Variants in FAM120A observed in about 807,000 individuals in gnomAD.
FAM120A encodes the protein constitutive coactivator of PPAR-gamma-like protein 1.
Under a neutral mutation model 109.7 loss-of-function variants are expected in FAM120A, and 15 were observed. The observed-to-expected ratio is 0.14, with a 90% CI of 0.09 to 0.21. The LOEUF (loss-of-function observed/expected upper bound fraction) is 0.21, where lower values mean the gene tolerates loss of function less well. FAM120A is among the 10% of genes least tolerant of loss of function. The pLI, the probability that FAM120A is intolerant of heterozygous loss-of-function variation, is 1.00. For synonymous variants in FAM120A, 493 were observed against 572.8 expected, an observed-to-expected ratio of 0.86 and a Z score of 1.99; for missense variants, 899 against 1,439.3, an observed-to-expected ratio of 0.62 and a Z score of 6.07.
In FAM120A at chr9:93,558,783, C is replaced by T. The variant is rs1862379851; in HGVS notation, c.2806+65C>T. 9.5e-6 allele frequency: 15 copies of T among 1,571,076 alleles called. 1 individual carries two copies. Among genetic ancestry groups the T allele is most frequent in the South Asian group, 3.5e-5 (3 of 86,942 alleles). On this transcript the variant is annotated intron_variant, in intron 15 of 17. Coordinates refer to ENST00000277165, the MANE Select transcript of FAM120A (RefSeq NM_014612.5). ...GCACTTCCTTCGCTCCATCGTCTGG[C>T]GCCTTCCTTCCTCTACTGTCCTCAT... is the stretch of plus-strand genomic sequence containing the variant.
intron 3 of FAM120A, 123 bp downstream of exon 3, chr9:93,476,461 A>G: frequency 1.5e-6 from 1 of 661,348 alleles, no homozygotes. Context: ...ATGTTTTCCC[A>G]TAATTTCAGG....
At chr9:93,479,349 C>T (rs917933380) in intron 3 of FAM120A, among the ~76,000 whole-genome samples, 28 of 151,932 alleles carry the variant, frequency 1.8e-4, no homozygotes, top group African/African-American at 6.0e-4. Context: ...CCGCCCGCCT[C>T]GGCCTCCCAA....
intron 5 of FAM120A, among the ~76,000 whole-genome samples, chr9:93,505,051 GTTTTTT>G (rs768552939): frequency 2.5e-5 from 2 of 81,320 alleles, no homozygotes; most frequent in Admixed American, 1.4e-4. Flanking sequence ...GTTCGCTTGT[GTTTTTT>G]TTTTTTTTTT....
intron 3 of FAM120A, 58 bp from the exon 4 acceptor site, chr9:93,497,413 A>T: frequency 1.3e-6 from 2 of 1,597,464 alleles, no homozygotes; most frequent in Non-Finnish European, 1.7e-6. Flanking sequence ...CTGCATTCAG[A>T]TTAGCCTGGT....
At position 93,451,814 on chromosome 9, in the gene FAM120A, G is replaced by A. The variant is rs1857230167; in HGVS notation, c.-102G>A. ...CCGACCCGCCCCAGTCCCCCCTAGAGGCCGCCGCCCCCGCCCGCCAGCCCG... is the reference window on the plus strand; with the variant it reads ...CCGACCCGCCCCAGTCCCCCCTAGAAGCCGCCGCCCCCGCCCGCCAGCCCG... On this transcript the variant is annotated 5_prime_UTR_variant, in exon 1 of 18. Coordinates refer to ENST00000277165, the MANE Select transcript of FAM120A (RefSeq NM_014612.5). 1.1e-6 allele frequency: 1 copy of A among 945,138 alleles called. No individual in the cohort carries two copies. The highest frequency in any genetic ancestry group is 1.2e-6 in the Non-Finnish European group (1 of 804,782). The allele number at this position is 945,138 out of a possible 1,614,324, so 58.5% of individuals were successfully genotyped here. A position where few individuals can be genotyped will look rare whatever the true frequency, so the allele number is the denominator to read the frequency against.
At chr9:93,495,507 G>C (rs1389585844) in intron 3 of FAM120A, among the ~76,000 whole-genome samples, 1 of 152,160 alleles carries the variant, frequency 6.6e-6, no homozygotes, top group Non-Finnish European at 1.5e-5. Context: ...GGCCTGGAGG[G>C]GAATGATAGA....
chr9:93,494,423 G>A (rs572547188), intron 3 of FAM120A, among the ~76,000 whole-genome samples: 2 of 152,312 alleles, frequency 1.3e-5, no homozygotes, highest in East Asian at 3.9e-4. Context: ...TCCTGCACGT[G>A]GTTTCTATTG....
chr9:93,518,428 A>G lies in FAM120A; in HGVS notation c.1418+2159A>G, dbSNP rs191306442. On this transcript the variant is annotated intron_variant, in intron 7 of 17. Transcript: ENST00000277165. ...GCTTTTATAGTTTAGAAAAAAAGTC[A>G]CTACTTTTTTACCCTTTGGTTTAGA... Among the ~76,000 whole-genome samples the G allele has an allele frequency of 1.2e-3, 184 of 152,324 alleles. 1 individual carries two copies. Among genetic ancestry groups the G allele is most frequent in the Non-Finnish European group, 1.2e-3 (85 of 68,032 alleles).
intron 5 of FAM120A, among the ~76,000 whole-genome samples, chr9:93,512,550 C>T (rs1192262416): frequency 2.0e-5 from 3 of 149,128 alleles, no homozygotes; most frequent in African/African-American, 5.0e-5. Flanking sequence ...TTTTTTTTAC[C>T]GAAAGCCCAC....
At position 93,497,531 on chromosome 9, in the gene FAM120A, T is replaced by C. The variant is rs1447312816; in HGVS notation, c.865T>C (p.Tyr289His). Residue 289 changes from tyrosine to histidine, a missense_variant, in exon 4 of 18, where the codon TAT becomes CAT. This residue lies in a region of FAM120A where 258 missense variants were observed against 451.4 expected (regional missense o/e 0.57). Transcript: ENST00000277165. ...CGTAGTGATCAAAGCCGTTGCTGAC[T>C]ATGTACGCAACATTCAGGACACCTC... The part of the protein sequence containing the change: ...CDVVIKAVAD[Y>H]VRNIQDTSDL... 4 of 1,613,580 alleles carry C rather than the reference T, an allele frequency of 2.5e-6. No homozygotes were observed. The African/African-American group carries it at 4.0e-5, about 16-fold the overall frequency.
chr9:93,453,140 A>G, intron 1 of FAM120A: 1 of 1,004,262 alleles, frequency 1.0e-6, no homozygotes, highest in Non-Finnish European at 1.2e-6. Flanking sequence ...TCCCATGCGA[A>G]AGGAGTCGCT....
At chr9:93,559,156 A>G (rs1862393314) in intron 15 of FAM120A, among the ~76,000 whole-genome samples, 2 of 152,238 alleles carry the variant, frequency 1.3e-5, no homozygotes, top group Non-Finnish European at 2.9e-5. Flanking sequence ...AACATTTTTA[A>G]ACAAAGATCT....
At chr9:93,544,178 T>G (rs1047846546) in intron 11 of FAM120A, among the ~76,000 whole-genome samples, 1 of 152,238 alleles carries the variant, frequency 6.6e-6, no homozygotes, top group Non-Finnish European at 1.5e-5. Context: ...TTGTCCCGGC[T>G]TATCCTTGGG....
intron 10 of FAM120A, among the ~76,000 whole-genome samples, chr9:93,537,034 G>T (rs1254998121): frequency 2.0e-5 from 3 of 152,232 alleles, no homozygotes; most frequent in African/African-American, 7.2e-5. Flanking sequence ...GGTAGGGAGG[G>T]TGGAACCCAG....
intron 3 of FAM120A, among the ~76,000 whole-genome samples, chr9:93,479,260 G>A (rs905364426): frequency 4.0e-5 from 6 of 151,602 alleles, no homozygotes; most frequent in African/African-American, 7.3e-5. Context: ...CACTACGCCC[G>A]GCTAATTTTT....
At position 93,451,796 on chromosome 9, in the gene FAM120A, GCCC is replaced by G; in HGVS notation, c.-118_-116del. On this transcript the variant is annotated 5_prime_UTR_variant, in exon 1 of 18. Coordinates refer to ENST00000277165, the MANE Select transcript of FAM120A (RefSeq NM_014612.5). The stretch of plus-strand genomic sequence containing the variant: ...GCGGCCATGAGCGCGCCCCCGACCC[GCCC>G]CAGTCCCCCCTAGAGGCCGCCGCCC... 3.7e-6 allele frequency: 2 copies of G among 540,984 alleles called. No homozygotes were observed. The highest frequency in any genetic ancestry group is 4.2e-6 in the Non-Finnish European group (2 of 476,942). The allele number at this position is 540,984 out of a possible 1,614,324, so 33.5% of individuals were successfully genotyped here.
chr9:93,484,644 G>T (rs1276847043), intron 3 of FAM120A, among the ~76,000 whole-genome samples: 1 of 151,980 alleles, frequency 6.6e-6, no homozygotes, highest in African/African-American at 2.4e-5. Flanking sequence ...CATGATCTTG[G>T]CTTACTGCAA....
intron 3 of FAM120A, among the ~76,000 whole-genome samples, chr9:93,492,857 A>G (rs1859390337): frequency 6.6e-6 from 1 of 152,216 alleles, no homozygotes; most frequent in Admixed American, 6.5e-5. Flanking sequence ...TAGTGATGAC[A>G]AGGATATCCA....
Position 93,452,919 on chromosome 9 carries a change from G to A in FAM120A, c.474+530G>A. On this transcript the variant is annotated intron_variant, in intron 1 of 17. Coordinates refer to ENST00000277165, the MANE Select transcript of FAM120A (RefSeq NM_014612.5). This position sits in a 1 kb window ranked among gnomAD's most constrained non-coding sequence, Gnocchi z 7.0. The stretch of plus-strand genomic sequence containing the variant: ...CCAATGTTGTTAGCCCGGTGACAGC[G>A]AGACGTGTCTAAGGGCCAGTGCCCT... The A allele has an allele frequency of 3.5e-6, 5 of 1,428,136 alleles. No homozygotes were observed. Among genetic ancestry groups the A allele is most frequent in the Non-Finnish European group, 9.1e-7 (1 of 1,098,302 alleles). 88.5% of individuals were successfully genotyped at this position (1,428,136 alleles called of 1,614,324 possible).
Sources: gnomAD v4.1 joint callset for allele counts (sites outside exome capture counted in the v4.1 genomes callset) on GRCh38, gnomAD v4.1.1 for gene constraint, gnomAD v4.1.1 regional missense constraint, Gnocchi (gnomAD v3.1) non-coding constraint, MANE v1.5 for transcripts, NCBI Gene and HGNC (gene_info 2026-07-23, HGNC 2026-07-21) for gene names.